IQGAP1: variants seen among roughly 807,000 people sequenced by gnomAD.
IQGAP1 encodes IQ motif containing GTPase activating protein 1.
A neutral mutation model predicts 215.6 loss-of-function variants in IQGAP1; 66 were observed. The ratio of observed to expected loss-of-function variants is 0.31; its 90% CI spans 0.25 to 0.38. The LOEUF (loss-of-function observed/expected upper bound fraction) is 0.38. IQGAP1 is among the 10% of genes least tolerant of loss of function. The pLI, the probability that IQGAP1 is intolerant of heterozygous loss-of-function variation, is 1.00. For missense variants in IQGAP1, 1,712 were observed against 1,997.1 expected, an observed-to-expected ratio of 0.86 and a Z score of 2.72; for synonymous variants, 772 against 728.7, an observed-to-expected ratio of 1.06 and a Z score of -0.96.
At chr15:90,480,600 A>T in intron 26 of IQGAP1, among the ~76,000 whole-genome samples, 1 of 152,186 alleles carries the variant, frequency 6.6e-6, no homozygotes, top group Non-Finnish European at 1.5e-5. Context: ...TTGTGTTCAT[A>T]GTCTACCAAT....
At chr15:90,444,175 C>T (rs1171792124) in intron 9 of IQGAP1, among the ~76,000 whole-genome samples, 3 of 151,650 alleles carry the variant, frequency 2.0e-5, no homozygotes, top group Non-Finnish European at 4.4e-5. Flanking sequence ...AAATTAGACT[C>T]CTTCACTTAG....
intron 34 of IQGAP1, 77 bp from the exon 35 acceptor site, chr15:90,492,468 T>A: frequency 9.4e-7 from 1 of 1,064,202 alleles, no homozygotes; most frequent in Non-Finnish European, 1.3e-6. Flanking sequence ...AAGGCAGAGT[T>A]AAGCATTGCT....
chr15:90,416,677 A>G (rs1353689084), intron 2 of IQGAP1, among the ~76,000 whole-genome samples: 2 of 150,424 alleles, frequency 1.3e-5, no homozygotes, highest in East Asian at 3.9e-4. Flanking sequence ...TCCCGTGTTC[A>G]CGCCATTCTC....
chr15:90,388,899 C>T (rs903920896), intron 1 of IQGAP1, among the ~76,000 whole-genome samples: 2 of 152,054 alleles, frequency 1.3e-5, no homozygotes, highest in South Asian at 4.1e-4. Flanking sequence ...TCAGTTTTCT[C>T]GGGCTTAGTT....
At position 90,477,672 on chromosome 15, in the gene IQGAP1, G is replaced by A; in HGVS notation, c.3112G>A (p.Val1038Ile). The A allele has an allele frequency of 1.2e-6, 2 of 1,610,062 alleles. No homozygotes were observed. Among genetic ancestry groups the A allele is most frequent in the Non-Finnish European group, 1.7e-6 (2 of 1,176,350 alleles). The change falls in exon 26 of 38, where the codon GTA (valine) becomes ATA (isoleucine). Residue 1038 changes from valine (V) to isoleucine (I), a missense_variant. Physicochemically the swap from Val to Ile is conservative, Grantham distance 29 (BLOSUM62 3). Transcript: ENST00000268182. ...TALQEEIKSK[V>I]DQIQEIVTGN... ...TTATCTGATGTTTTATAGGTCGAAG[G>A]TAGATCAGATTCAAGAGATTGTGAC...
chr15:90,456,139 T>G lies in IQGAP1; in HGVS notation c.1613-13T>G. The G allele has an allele frequency of 6.2e-7, 1 of 1,604,712 alleles. No homozygotes were observed. Among genetic ancestry groups the G allele is most frequent in the African/African-American group, 1.3e-5 (1 of 74,168 alleles). ...AATTAGAAAAAAAAAACTTTCTGTC[T>G]CTTTATATTTAGGGATTTTAGCCAT... On this transcript the variant is annotated splice_polypyrimidine_tract_variant and intron_variant, in intron 14 of 37. Transcript: ENST00000268182.
At chr15:90,393,513 CATGGATAA>C (rs1567111196) in intron 2 of IQGAP1, 4 of 151,930 alleles carry the variant, frequency 2.6e-5, no homozygotes. Context: ...ATGCAGAACC[CATGGATAA>C]GGAGGGCCGA....
intron 25 of IQGAP1, 90 bp downstream of exon 25, chr15:90,477,320 A>G: frequency 1.9e-6 from 2 of 1,063,806 alleles, no homozygotes; most frequent in Non-Finnish European, 2.7e-6. Context: ...TCTTTTCTTG[A>G]TCTCAATTAA....
intron 5 of IQGAP1, among the ~76,000 whole-genome samples, chr15:90,437,811 T>A (rs1965390886): frequency 6.6e-6 from 1 of 152,232 alleles, no homozygotes; most frequent in Admixed American, 6.5e-5. Flanking sequence ...AGTACTGGAA[T>A]TACAGGTGTG....
intron 35 of IQGAP1, among the ~76,000 whole-genome samples, chr15:90,493,427 C>G (rs191515710): frequency 8.5e-5 from 13 of 152,276 alleles, no homozygotes; most frequent in Admixed American, 3.3e-4. Context: ...ATCCAGCCTT[C>G]TTGGCACTGG....
chr15:90,390,756 C>A lies in IQGAP1; in HGVS notation c.56-18C>A, dbSNP rs897845078. 1.0e-5 allele frequency: 16 copies of A among 1,538,472 alleles called. No individual in the cohort carries two copies. The highest frequency in any genetic ancestry group is 1.3e-5 in the Non-Finnish European group (14 of 1,111,830). ...GGCTACAGATCCTGGTGTTTACATT[C>A]TTTCTTTTATGTTGTAGCTGTCCTG... On this transcript the variant is annotated intron_variant, in intron 1 of 37. Coordinates refer to ENST00000268182, the MANE Select transcript of IQGAP1 (RefSeq NM_003870.4).
At chr15:90,399,124 TA>T (rs1298269653) in intron 2 of IQGAP1, among the ~76,000 whole-genome samples, 1 of 151,612 alleles carries the variant, frequency 6.6e-6, no homozygotes, top group Non-Finnish European at 1.5e-5. Flanking sequence ...CCTAACTAAT[TA>T]AAAAAAATTT....
At position 90,474,065 on chromosome 15, in the gene IQGAP1, T is replaced by C; in HGVS notation, c.2507T>C (p.Ile836Thr). The C allele has an allele frequency of 6.2e-7, 1 of 1,613,332 alleles. No individual in the cohort carries two copies. The highest frequency in any genetic ancestry group is 1.1e-5 in the South Asian group (1 of 90,998). Residue 836 changes from isoleucine to threonine, a missense_variant and splice_region_variant, in exon 22 of 38, where the codon ATA becomes ACA. Physicochemically the swap from Ile to Thr is moderately conservative, Grantham distance 89 (BLOSUM62 -1). Coordinates refer to ENST00000268182, the MANE Select transcript of IQGAP1 (RefSeq NM_003870.4). ...AATTTCTTCTTTTTTGTTCCTTAGA[T>C]AAATGACATTATCAAAATCCAGGCT... ...RDRLQYFRDH[I>T]NDIIKIQAFI...
intron 33 of IQGAP1, among the ~76,000 whole-genome samples, chr15:90,488,763 G>C (rs776397390): frequency 3.3e-5 from 5 of 152,274 alleles, no homozygotes; most frequent in Non-Finnish European, 5.9e-5. Context: ...AGACAAGAGA[G>C]GGCATTCGAG....
In IQGAP1 at chr15:90,467,536, G is replaced by A; in HGVS notation, c.2122G>A (p.Asp708Asn). Reference protein sequence around the residue: ...HNLETQEGGWDEPPNFVQNSM... With the variant: ...HNLETQEGGWNEPPNFVQNSM... ...TCTGGAGACCCAGGAAGGAGGATGG[G>A]ATGAACCTCCAAATTTTGTGCAAAA... The change falls in exon 18 of 38, where the codon GAT becomes AAT. Residue 708 changes from aspartate (D) to asparagine (N), a missense_variant. Physicochemically the swap from Asp to Asn is conservative, Grantham distance 23. This residue lies in a region of IQGAP1 where 1,021 missense variants were observed against 1,074.2 expected (regional missense o/e 0.95). Coordinates refer to ENST00000268182, the MANE Select transcript of IQGAP1 (RefSeq NM_003870.4). The A allele has an allele frequency of 6.2e-7, 1 of 1,613,178 alleles. No individual in the cohort carries two copies. The highest frequency in any genetic ancestry group is 8.5e-7 in the Non-Finnish European group (1 of 1,179,602).
chr15:90,452,540 G>A (rs1965617101), intron 11 of IQGAP1, among the ~76,000 whole-genome samples: 1 of 152,140 alleles, frequency 6.6e-6, no homozygotes, highest in South Asian at 2.1e-4. Context: ...GGGATGAGGA[G>A]AACAGTTAGG....
At chr15:90,488,049 G>A (rs1014984026) in intron 33 of IQGAP1, among the ~76,000 whole-genome samples, 6 of 151,896 alleles carry the variant, frequency 4.0e-5, no homozygotes, top group Non-Finnish European at 5.9e-5. Flanking sequence ...GTGAAACCCC[G>A]TCTCTACTAA....
In IQGAP1 at chr15:90,388,477, G is replaced by A; in HGVS notation, c.55+81G>A. 1.2e-5 allele frequency: 15 copies of A among 1,237,586 alleles called. No individual in the cohort carries two copies. In the South Asian group the frequency reaches 1.4e-4, roughly 12 times the overall value. 76.7% of individuals were successfully genotyped at this position (1,237,586 alleles called of 1,614,324 possible). On this transcript the variant is annotated intron_variant, in intron 1 of 37. Transcript: ENST00000268182. ...GCGCGATTTTCCTGGGGGCTCGGCC[G>A]GGCGGGTGGGGCAGGGCGGCTGCCG...
At chr15:90,431,210 C>T (rs1242253709) in intron 4 of IQGAP1, 2 of 151,802 alleles carry the variant, frequency 1.3e-5, no homozygotes, top group Non-Finnish European at 2.9e-5. Context: ...CTTTTCTCCT[C>T]TTTTTTTCAG....
Sources: gnomAD v4.1 joint callset for allele counts (sites outside exome capture counted in the v4.1 genomes callset) on GRCh38, gnomAD v4.1.1 for gene constraint, gnomAD v4.1.1 regional missense constraint, MANE v1.5 for transcripts, NCBI Gene and HGNC (gene_info 2026-07-23, HGNC 2026-07-21) for gene names.